TRPM3: variants seen among roughly 807,000 people sequenced by gnomAD.
TRPM3 encodes long transient receptor potential channel 3.
A neutral mutation model predicts 181.2 loss-of-function variants in TRPM3; 77 were observed. That is an observed-to-expected ratio of 0.42 (90% CI 0.35 to 0.51). The LOEUF (loss-of-function observed/expected upper bound fraction) is 0.51. Ranked by LOEUF, TRPM3 falls within the 20% of genes least tolerant of loss-of-function variation. TRPM3 has a pLI of 0.01. For synonymous variants in TRPM3, 745 were observed against 796.4 expected (o/e 0.94, Z 1.09); for missense variants, 1,759 against 2,196.7 (o/e 0.80, Z 3.98).
intron 1 of TRPM3, among the ~76,000 whole-genome samples, chr9:71,100,225 A>C (rs2068094345): frequency 6.6e-6 from 1 of 152,186 alleles, no homozygotes; most frequent in African/African-American, 2.4e-5. Context: ...ACAATAACTC[A>C]GGAAAATTTT....
chr9:70,584,334 G>A (rs753724829), intron 22 of TRPM3, among the ~76,000 whole-genome samples: 1 of 152,128 alleles, frequency 6.6e-6, no homozygotes, highest in Non-Finnish European at 1.5e-5. Flanking sequence ...GGCAATGTCT[G>A]CATTTTTATT....
chr9:71,197,572 G>A (rs551129088), intron 1 of TRPM3, among the ~76,000 whole-genome samples: 1 of 152,020 alleles, frequency 6.6e-6, no homozygotes, highest in East Asian at 1.9e-4. Context: ...TCTAACTGGT[G>A]TGAGATGGCA....
intron 21 of TRPM3, among the ~76,000 whole-genome samples, chr9:70,592,311 T>C (rs1445382619): frequency 1.3e-5 from 2 of 152,204 alleles, no homozygotes; most frequent in Non-Finnish European, 2.9e-5. Context: ...AATCCTTGTA[T>C]TGGCTTTGCT....
intron 20 of TRPM3, 120 bp downstream of exon 20, chr9:70,603,222 G>T: frequency 8.2e-7 from 1 of 1,224,818 alleles, no homozygotes; most frequent in Non-Finnish European, 1.1e-6. Flanking sequence ...AGCTGTGGTA[G>T]AGTTAGAGAA....
chr9:70,983,611 A>G (rs1193716995), intron 1 of TRPM3, among the ~76,000 whole-genome samples: 2 of 152,176 alleles, frequency 1.3e-5, no homozygotes, highest in African/African-American at 2.4e-5. Context: ...GGGCAGGCAG[A>G]GGAAGGAGAA....
chr9:71,281,550 G>A (rs766005542), intron 1 of TRPM3, among the ~76,000 whole-genome samples: 1 of 152,182 alleles, frequency 6.6e-6, no homozygotes, highest in Non-Finnish European at 1.5e-5. Flanking sequence ...GCTGGTGGGA[G>A]TTTAGAGCCA....
In TRPM3 at chr9:70,625,962, T is replaced by G. The variant is rs556364766; in HGVS notation, c.1633-445A>C. Among the ~76,000 whole-genome samples, 1 of 152,186 alleles carries G rather than the reference T, an allele frequency of 6.6e-6. No homozygotes were observed. The highest frequency in any genetic ancestry group is 2.4e-5 in the African/African-American group (1 of 41,450). On this transcript the variant is annotated intron_variant, in intron 12 of 25. Transcript: ENST00000677713. This position sits in a 1 kb window ranked among gnomAD's most constrained non-coding sequence, Gnocchi z 4.8. ...TTGGGTGTCAGAATGAGGTTGTATA[T>G]GAACATCCCTTGCATTTAAAGAGAA...
intron 1 of TRPM3, among the ~76,000 whole-genome samples, chr9:71,312,653 G>T (rs1478268289): frequency 6.6e-6 from 1 of 152,126 alleles, no homozygotes; most frequent in Non-Finnish European, 1.5e-5. Context: ...AAGTAAACAA[G>T]ATGTCCTTCA....
intron 1 of TRPM3, among the ~76,000 whole-genome samples, chr9:71,375,759 A>G (rs749670236): frequency 1.3e-5 from 2 of 152,212 alleles, no homozygotes; most frequent in Non-Finnish European, 2.9e-5. Context: ...GCCAGCAGTC[A>G]TCAACATTGA....
intron 1 of TRPM3, among the ~76,000 whole-genome samples, chr9:71,150,793 G>T (rs2075693646): frequency 6.6e-6 from 1 of 152,034 alleles, no homozygotes; most frequent in Non-Finnish European, 1.5e-5. Flanking sequence ...TGCACAAATA[G>T]AAAATTCTTA....
chr9:71,146,581 T>G (rs1277337224), intron 1 of TRPM3, among the ~76,000 whole-genome samples: 1 of 152,130 alleles, frequency 6.6e-6, no homozygotes, highest in African/African-American at 2.4e-5. Context: ...ATAACAGTAG[T>G]GGAGACTGGT....
intron 1 of TRPM3, among the ~76,000 whole-genome samples, chr9:71,442,539 G>A (rs1160595806): frequency 6.6e-6 from 1 of 151,968 alleles, no homozygotes; most frequent in Non-Finnish European, 1.5e-5. Context: ...ACTGAAAAAT[G>A]GCAAATATGG....
intron 9 of TRPM3, among the ~76,000 whole-genome samples, chr9:70,670,892 C>A (rs888044050): frequency 2.0e-5 from 3 of 152,118 alleles, no homozygotes; most frequent in Admixed American, 6.5e-5. Context: ...GGAATTGAGG[C>A]ACACAGAGGT....
intron 1 of TRPM3, among the ~76,000 whole-genome samples, chr9:70,940,582 T>C (rs555710994): frequency 6.6e-6 from 1 of 151,942 alleles, no homozygotes; most frequent in Non-Finnish European, 1.5e-5. Flanking sequence ...ACTAAGGAAG[T>C]AAAAAAAGAA....
chr9:70,835,480 C>A (rs972655282), intron 5 of TRPM3, among the ~76,000 whole-genome samples: 2 of 151,968 alleles, frequency 1.3e-5, no homozygotes, highest in African/African-American at 4.8e-5. Context: ...CACCCTGAGT[C>A]CTCTGCTTGG....
chr9:71,022,544 A>C (rs141757407), intron 1 of TRPM3, among the ~76,000 whole-genome samples: 1 of 152,032 alleles, frequency 6.6e-6, no homozygotes, highest in Admixed American at 6.6e-5. Flanking sequence ...AAACAATTTT[A>C]AAAAATAGCC....
At chr9:71,078,391 A>G (rs1290926490) in intron 1 of TRPM3, among the ~76,000 whole-genome samples, 1 of 152,146 alleles carries the variant, frequency 6.6e-6, no homozygotes, top group Non-Finnish European at 1.5e-5. Context: ...TACATAGTAA[A>G]GTTTCTAGAA....
intron 1 of TRPM3, among the ~76,000 whole-genome samples, chr9:71,379,138 C>T (rs898651346): frequency 5.3e-5 from 8 of 151,948 alleles, no homozygotes; most frequent in African/African-American, 1.9e-4. Flanking sequence ...CTGATTTCAA[C>T]TTTTGCTACG....
At chr9:70,769,428 A>G (rs2079782182) in intron 7 of TRPM3, among the ~76,000 whole-genome samples, 1 of 151,864 alleles carries the variant, frequency 6.6e-6, no homozygotes, top group South Asian at 2.1e-4. Context: ...TTTTAGAATC[A>G]GGGGGTACAC....
Sources: gnomAD v4.1 joint callset for allele counts (sites outside exome capture counted in the v4.1 genomes callset) on GRCh38, gnomAD v4.1.1 for gene constraint, Gnocchi (gnomAD v3.1) non-coding constraint, MANE v1.5 for transcripts, NCBI Gene and HGNC (gene_info 2026-07-23, HGNC 2026-07-21) for gene names.